Variants in GPM6A observed in about 807,000 individuals in gnomAD.
GPM6A encodes glycoprotein M6A, also known as neuronal membrane glycoprotein M6-a.
GPM6A carries 7 observed loss-of-function variants against 32.1 expected under a neutral mutation model. The observed-to-expected ratio is 0.22, with a 90% CI of 0.12 to 0.41. The LOEUF is 0.41. Ranked by LOEUF, GPM6A falls within the 10% of genes least tolerant of loss-of-function variation. The pLI, the probability that GPM6A is intolerant of heterozygous loss-of-function variation, is 1.00. For synonymous variants in GPM6A, 130 were observed against 123.4 expected (o/e 1.05, Z -0.35); for missense variants, 235 against 347.2 (o/e 0.68, Z 2.57).
At chr4:175,713,100 A>G (rs1745645271) in intron 1 of GPM6A, among the ~76,000 whole-genome samples, 1 of 152,204 alleles carries the variant, frequency 6.6e-6, no homozygotes, top group Non-Finnish European at 1.5e-5. Flanking sequence ...GATATTTCAA[A>G]ATTGGGCTTC....
chr4:175,698,965 A>T (rs1579398611), intron 2 of GPM6A, among the ~76,000 whole-genome samples: 2 of 152,226 alleles, frequency 1.3e-5, no homozygotes, highest in East Asian at 3.8e-4. Context: ...ATATCTTAAC[A>T]AATAATTGCT....
At chr4:175,812,824 A>G, upstream of GPM6A, 1 of 985,400 alleles carries the variant, frequency 1.0e-6, no homozygotes, top group Non-Finnish European at 1.2e-6. Context: ...ACGTTGCAAA[A>G]AAACTGTGTT....
Position 175,919,134 on chromosome 4 carries a change from C to T in GPM6A, c.-23+83175G>A, listed in dbSNP as rs529241475. ...TGTATAGCTAATTAAAATATCTTCT[C>T]ATTAAGGACTGCTGCCCATCACTTA... On this transcript the variant is annotated intron_variant, in intron 1 of 7. Transcript: ENST00000280187. 1.1e-4 allele frequency among the ~76,000 whole-genome samples: 16 copies of T among 152,272 alleles called. No individual in the cohort carries two copies. In the South Asian group the frequency reaches 3.3e-3, roughly 32 times the overall value.
At chr4:175,740,962 G>T (rs527954540) in intron 1 of GPM6A, among the ~76,000 whole-genome samples, 1 of 152,094 alleles carries the variant, frequency 6.6e-6, no homozygotes, top group African/African-American at 2.4e-5. Context: ...GTTCAGAAAT[G>T]CATGTTGCAT....
chr4:175,651,385 TA>T (rs1336881834), intron 4 of GPM6A, among the ~76,000 whole-genome samples: 3 of 152,110 alleles, frequency 2.0e-5, no homozygotes, highest in Admixed American at 6.6e-5. Flanking sequence ...TTTTTATTAT[TA>T]TTAAATGCTA....
intron 1 of GPM6A, among the ~76,000 whole-genome samples, chr4:175,770,108 C>T (rs568137095): frequency 9.8e-5 from 15 of 152,288 alleles, no homozygotes; most frequent in African/African-American, 3.4e-4. Context: ...CTCACTGCAA[C>T]CTCTGCCTCC....
chr4:175,711,846 T>C (rs1446716557), intron 1 of GPM6A, among the ~76,000 whole-genome samples: 2 of 152,132 alleles, frequency 1.3e-5, no homozygotes, highest in Non-Finnish European at 2.9e-5. Context: ...TCCTTTTCGC[T>C]CAATGAATTC....
intron 1 of GPM6A, among the ~76,000 whole-genome samples, chr4:175,811,689 C>T (rs530406324): frequency 2.6e-5 from 4 of 152,156 alleles, no homozygotes; most frequent in Admixed American, 2.0e-4. Flanking sequence ...ATATTGCATC[C>T]TCGTTTTTAG....
At chr4:175,680,764 T>C (rs1743640461) in intron 2 of GPM6A, among the ~76,000 whole-genome samples, 1 of 152,246 alleles carries the variant, frequency 6.6e-6, no homozygotes, top group African/African-American at 2.4e-5. Flanking sequence ...ACTGTGTTTT[T>C]ATGTAAAGGC....
At chr4:175,664,099 C>G (rs1742598178) in intron 3 of GPM6A, among the ~76,000 whole-genome samples, 1 of 152,166 alleles carries the variant, frequency 6.6e-6, no homozygotes, top group South Asian at 2.1e-4. Context: ...TCTGAAAAAG[C>G]TATATACTAC....
chr4:175,800,030 T>C (rs1164256974), intron 1 of GPM6A, among the ~76,000 whole-genome samples: 3 of 152,324 alleles, frequency 2.0e-5, no homozygotes, highest in Admixed American at 1.3e-4. Flanking sequence ...TTTTTAATAC[T>C]GAATTATAAA....
intron 1 of GPM6A, among the ~76,000 whole-genome samples, chr4:175,867,903 T>C (rs1736790774): frequency 6.6e-6 from 1 of 152,188 alleles, no homozygotes; most frequent in African/African-American, 2.4e-5. Flanking sequence ...CCTTAGGAAA[T>C]ATCTTGTTAA....
intron 2 of GPM6A, among the ~76,000 whole-genome samples, chr4:175,688,467 T>C (rs980426930): frequency 2.6e-5 from 4 of 152,316 alleles, no homozygotes; most frequent in African/African-American, 9.6e-5. Context: ...CTATTTGTCA[T>C]TGTGTCTTCT....
intron 1 of GPM6A, among the ~76,000 whole-genome samples, chr4:175,946,337 C>T (rs1256602087): frequency 6.6e-6 from 1 of 152,102 alleles, no homozygotes; most frequent in Non-Finnish European, 1.5e-5. Context: ...ATTCATTGTG[C>T]CAACCAATAT....
At chr4:175,649,596 G>A (rs1329506498) in intron 4 of GPM6A, among the ~76,000 whole-genome samples, 1 of 152,082 alleles carries the variant, frequency 6.6e-6, no homozygotes, top group Non-Finnish European at 1.5e-5. Flanking sequence ...CCTAATCAGA[G>A]CATGCTAATC....
chr4:175,914,591 G>A (rs1276266744), intron 1 of GPM6A, among the ~76,000 whole-genome samples: 2 of 152,156 alleles, frequency 1.3e-5, no homozygotes, highest in African/African-American at 4.8e-5. Context: ...CCAAAGTGCT[G>A]GAATTACAGG....
intron 1 of GPM6A, among the ~76,000 whole-genome samples, chr4:175,936,064 G>A (rs1484104954): frequency 6.6e-6 from 1 of 151,444 alleles, no homozygotes; most frequent in Non-Finnish European, 1.5e-5. Context: ...CCAGCACTTT[G>A]GGAGGCCGAG....
intron 1 of GPM6A, among the ~76,000 whole-genome samples, chr4:175,750,660 C>T (rs1732297411): frequency 6.6e-6 from 1 of 152,070 alleles, no homozygotes; most frequent in Admixed American, 6.6e-5. Flanking sequence ...GCAACCTCCA[C>T]CTCCCGGGTT....
intron 1 of GPM6A, among the ~76,000 whole-genome samples, chr4:175,864,177 TTTG>T (rs1407030731): frequency 6.6e-6 from 1 of 152,172 alleles, no homozygotes; most frequent in Non-Finnish European, 1.5e-5. Flanking sequence ...TGTTTTTGTT[TTTG>T]TTGTTTGAGA....
Sources: gnomAD v4.1 joint callset for allele counts (sites outside exome capture counted in the v4.1 genomes callset) on GRCh38, gnomAD v4.1.1 for gene constraint, MANE v1.5 for transcripts, NCBI Gene and HGNC (gene_info 2026-07-23, HGNC 2026-07-21) for gene names.